Variants in ZNF33A observed in about 807,000 individuals in gnomAD.
ZNF33A encodes the protein zinc finger protein 33A.
In ZNF33A, 9 loss-of-function variants were observed where a neutral mutation model predicts 15.9. The ratio of observed to expected loss-of-function variants is 0.57; its 90% CI spans 0.34 to 0.99. The LOEUF (loss-of-function observed/expected upper bound fraction) is 0.99. Among genes scored for constraint, ZNF33A ranks in the 50% least tolerant of loss-of-function variants. ZNF33A has a pLI of 0.02. For missense variants in ZNF33A, 843 were observed against 941.6 expected, an observed-to-expected ratio of 0.90 and a Z score of 1.37; for synonymous variants, 294 against 324.2, an observed-to-expected ratio of 0.91 and a Z score of 1.00.
upstream of ZNF33A, chr10:38,010,588 G>T (rs749716877): frequency 1.2e-5 from 12 of 979,592 alleles, no homozygotes; most frequent in Non-Finnish European, 1.9e-5. Context: ...CCGGCCTCAC[G>T]GGAAAGGTAG....
At chr10:38,051,825 A>C (rs1427600039) in intron 4 of ZNF33A, among the ~76,000 whole-genome samples, 1 of 152,096 alleles carries the variant, frequency 6.6e-6, no homozygotes, top group Non-Finnish European at 1.5e-5. Context: ...CCCATCAATT[A>C]TGTAGTCATC....
In ZNF33A at chr10:38,057,923, A is replaced by T. The variant is rs2135783556; in HGVS notation, c.*1363A>T. The T allele has an allele frequency of 1.0e-6, 1 of 985,390 alleles. No individual in the cohort carries two copies. The highest frequency in any genetic ancestry group is 1.2e-6 in the Non-Finnish European group (1 of 829,956). The allele number at this position is 985,390 out of a possible 1,614,324, so 61.0% of individuals were successfully genotyped here. A position where few individuals can be genotyped will look rare whatever the true frequency, so the allele number is the denominator to read the frequency against. On this transcript the variant is annotated 3_prime_UTR_variant, in exon 5 of 5. Coordinates refer to ENST00000432900, the MANE Select transcript of ZNF33A (RefSeq NM_006954.2). The stretch of plus-strand genomic sequence containing the variant: ...GGATCTGGGCCCTCAGACTTTTGAG[A>T]ATATGAAGAGGAGGGTTGAGGCTGG...
chr10:38,015,693 T>C (rs1564832480), intron 2 of ZNF33A, among the ~76,000 whole-genome samples: 1 of 152,188 alleles, frequency 6.6e-6, no homozygotes, highest in Non-Finnish European at 1.5e-5. Flanking sequence ...GCCCTAACTT[T>C]CCTGGTTTAC....
chr10:38,017,040 C>T, intron 3 of ZNF33A, 25 bp downstream of exon 3: 2 of 1,589,188 alleles, frequency 1.3e-6, no homozygotes, highest in Non-Finnish European at 1.7e-6. Flanking sequence ...CTGTATCATT[C>T]TAAATAGCAT....
intron 4 of ZNF33A, among the ~76,000 whole-genome samples, chr10:38,027,030 C>T (rs1444212953): frequency 6.6e-6 from 1 of 152,128 alleles, no homozygotes; most frequent in East Asian, 1.9e-4. Flanking sequence ...AATCAGTTGA[C>T]CATAGGTAGT....
At chr10:38,063,002 C>CAAAAAAAAAAAAAAAAAA (rs373779802), downstream of ZNF33A, among the ~76,000 whole-genome samples, 1 of 44,188 alleles carries the variant, frequency 2.3e-5, no homozygotes, top group Non-Finnish European at 4.1e-5. Context: ...GACTCCATCT[C>CAAAAAAAAAAAAAAAAAA]AAAAAAAAAA....
chr10:38,039,556 C>A (rs1391227982), intron 4 of ZNF33A: 1 of 455,822 alleles, frequency 2.2e-6, no homozygotes, highest in Non-Finnish European at 4.4e-6. Flanking sequence ...TTTACAACTT[C>A]AATCTTTTTA....
intron 4 of ZNF33A, among the ~76,000 whole-genome samples, chr10:38,045,654 C>G (rs1342735505): frequency 6.6e-6 from 1 of 152,196 alleles, no homozygotes; most frequent in Non-Finnish European, 1.5e-5. Context: ...CCCTGGATGT[C>G]TCTTCTTAGC....
chr10:38,044,138 T>C (rs1261039266), intron 4 of ZNF33A, among the ~76,000 whole-genome samples: 2 of 152,052 alleles, frequency 1.3e-5, no homozygotes, highest in Admixed American at 1.3e-4. Flanking sequence ...TTAGATTACT[T>C]AATCTCTATT....
intron 4 of ZNF33A, among the ~76,000 whole-genome samples, chr10:38,024,096 G>A (rs1267738071): frequency 5.3e-4 from 77 of 143,934 alleles, no homozygotes; most frequent in African/African-American, 2.0e-3. Flanking sequence ...AGGTTACGGT[G>A]AGCCGAGATC....
chr10:38,043,652 G>C (rs1310243101), intron 4 of ZNF33A, among the ~76,000 whole-genome samples: 2 of 151,624 alleles, frequency 1.3e-5, no homozygotes, highest in Non-Finnish European at 2.9e-5. Flanking sequence ...ATAATTTCCT[G>C]TATGAATAAA....
intron 4 of ZNF33A, among the ~76,000 whole-genome samples, chr10:38,028,548 A>G (rs1235342570): frequency 1.3e-5 from 2 of 151,068 alleles, no homozygotes; most frequent in Non-Finnish European, 3.0e-5. Flanking sequence ...GCTCACTGCA[A>G]CCTCCTTCTC....
intron 4 of ZNF33A, among the ~76,000 whole-genome samples, chr10:38,024,177 A>AAAG (rs988417613): frequency 7.3e-4 from 110 of 150,410 alleles, no homozygotes; most frequent in Non-Finnish European, 1.4e-3. Flanking sequence ...AAAAAAAAAA[A>AAAG]AAAAGAAAAA....
intron 4 of ZNF33A, among the ~76,000 whole-genome samples, chr10:38,027,996 A>T (rs192502873): frequency 1.3e-5 from 2 of 152,114 alleles, no homozygotes; most frequent in African/African-American, 2.4e-5. Flanking sequence ...TAAAAAATCT[A>T]TTCTGAAGCT....
At chr10:38,060,936 C>T (rs1304636238), downstream of ZNF33A, among the ~76,000 whole-genome samples, 1 of 152,140 alleles carries the variant, frequency 6.6e-6, no homozygotes, top group East Asian at 1.9e-4. Context: ...TGTATCCCTT[C>T]ATGACTTGAC....
chr10:38,053,607 T>G lies in ZNF33A; in HGVS notation c.251-768T>G, dbSNP rs540943252. On this transcript the variant is annotated intron_variant, in intron 4 of 4. Transcript: ENST00000432900. ...ATTCCTTAATAAGGAATGTCTTTAA[T>G]AAGTCTTAATAAGACTTGAATTACA... Among the ~76,000 whole-genome samples the G allele has an allele frequency of 2.0e-5, 3 of 152,276 alleles. No homozygotes were observed. In the South Asian group the frequency reaches 6.2e-4, roughly 32 times the overall value.
chr10:38,023,396 T>TA (rs2064842761), intron 4 of ZNF33A, among the ~76,000 whole-genome samples: 1 of 152,162 alleles, frequency 6.6e-6, no homozygotes, highest in Non-Finnish European at 1.5e-5. Flanking sequence ...AACAGTCATG[T>TA]AAAAAGTATA....
chr10:38,024,313 C>T (rs558118013), intron 4 of ZNF33A, among the ~76,000 whole-genome samples: 62 of 152,246 alleles, frequency 4.1e-4, no homozygotes, highest in African/African-American at 1.4e-3. Context: ...CATAATACCA[C>T]TTATTCCATA....
At position 38,047,500 on chromosome 10, in the gene ZNF33A, G is replaced by A. The variant is rs549685544; in HGVS notation, c.251-6875G>A. ...AAATTAGCTGTGCGTGGTGGCAGGC[G>A]CCTGTAGTCCCAGCTACTCGGGAGG... On this transcript the variant is annotated intron_variant, in intron 4 of 4. Transcript: ENST00000432900. 7.9e-5 allele frequency among the ~76,000 whole-genome samples: 12 copies of A among 151,540 alleles called. No individual in the cohort carries two copies. In the South Asian group the frequency reaches 8.3e-4, roughly 11 times the overall value.
Sources: allele counts gnomAD v4.1 joint callset (sites outside exome capture counted in the v4.1 genomes callset), GRCh38; gene constraint gnomAD v4.1.1; transcripts MANE v1.5; gene names NCBI Gene and HGNC (gene_info 2026-07-23, HGNC 2026-07-21).